The following THSD7B variants were observed in gnomAD, a reference collection of about 807,000 sequenced individuals.
THSD7B encodes the protein thrombospondin type-1 domain-containing protein 7B.
In THSD7B, 138 loss-of-function variants were observed where a neutral mutation model predicts 213.6. That is an observed-to-expected ratio of 0.65 (90% CI 0.56 to 0.74). The LOEUF (loss-of-function observed/expected upper bound fraction) is 0.74, where lower values mean the gene tolerates loss of function less well. THSD7B is among the 30% of genes least tolerant of loss of function. The probability of loss-of-function intolerance (pLI) is 0.00; values close to 1 mark genes in which losing one functional copy is unlikely to be tolerated. For missense variants in THSD7B, 1,931 were observed against 1,991.5 expected, an observed-to-expected ratio of 0.97 and a Z score of 0.58; for synonymous variants, 742 against 687.0, an observed-to-expected ratio of 1.08 and a Z score of -1.25.
intron 2 of THSD7B, among the ~76,000 whole-genome samples, chr2:136,903,605 T>A (rs1026255347): frequency 3.9e-5 from 6 of 152,040 alleles, no homozygotes; most frequent in African/African-American, 1.4e-4. Flanking sequence ...TTATCCTGGG[T>A]GACAGAGGCA....
intron 2 of THSD7B, among the ~76,000 whole-genome samples, chr2:136,981,101 A>G (rs1685570004): frequency 3.3e-5 from 5 of 152,184 alleles, no homozygotes; most frequent in Admixed American, 3.3e-4. Flanking sequence ...AACTTTTTAT[A>G]CATTATAGTT....
At chr2:137,303,297 C>G (rs1050880442) in intron 12 of THSD7B, among the ~76,000 whole-genome samples, 1 of 152,186 alleles carries the variant, frequency 6.6e-6, no homozygotes, top group African/African-American at 2.4e-5. Flanking sequence ...TTTGAGATGA[C>G]AGGCATGAGC....
intron 15 of THSD7B, among the ~76,000 whole-genome samples, chr2:137,546,478 A>ATATT (rs1491402224): frequency 3.6e-5 from 2 of 55,640 alleles, no homozygotes; most frequent in Non-Finnish European, 5.9e-5. Flanking sequence ...ATATATATAT[A>ATATT]ATATATATAT....
intron 3 of THSD7B, among the ~76,000 whole-genome samples, chr2:137,082,744 T>C (rs767886166): frequency 1.3e-5 from 2 of 152,114 alleles, no homozygotes; most frequent in Non-Finnish European, 2.9e-5. Flanking sequence ...CATCCACAAC[T>C]ATGTACCTAC....
rs1263166780 is a variant in THSD7B, at chr2:137,408,553, GA to G, written c.2695+2747del. On this transcript the variant is annotated intron_variant, in intron 13 of 27. Transcript: ENST00000409968. Reference sequence around the variant, plus strand: ...TCTGCTATAGTTGCTGTTGTATTGGGAGCGGTATTCAAACAAATCCTATTGT... The same window carrying G: ...TCTGCTATAGTTGCTGTTGTATTGGGGCGGTATTCAAACAAATCCTATTGT... Among the ~76,000 whole-genome samples, 10 of 152,222 alleles carry G rather than the reference GA, an allele frequency of 6.6e-5. No individual in the cohort carries two copies. The East Asian group carries it at 1.9e-3, about 29-fold the overall frequency.
At chr2:136,876,842 A>C (rs546641487) in intron 1 of THSD7B, among the ~76,000 whole-genome samples, 1 of 152,334 alleles carries the variant, frequency 6.6e-6, no homozygotes, top group Admixed American at 6.5e-5. Flanking sequence ...TGAAACTTGT[A>C]CACTAAGCAG....
intron 2 of THSD7B, among the ~76,000 whole-genome samples, chr2:137,009,355 C>T (rs906894636): frequency 5.9e-5 from 9 of 152,074 alleles, no homozygotes; most frequent in Admixed American, 6.6e-5. Flanking sequence ...CTCTTTGAAC[C>T]AGATAATTCT....
chr2:137,664,558 T>C (rs1325316435), intron 26 of THSD7B, among the ~76,000 whole-genome samples: 1 of 152,200 alleles, frequency 6.6e-6, no homozygotes. Flanking sequence ...GTCCTGTGGC[T>C]CTGTGCTGGC....
chr2:137,407,724 T>C (rs992290456), intron 13 of THSD7B, among the ~76,000 whole-genome samples: 1 of 152,144 alleles, frequency 6.6e-6, no homozygotes, highest in African/African-American at 2.4e-5. Flanking sequence ...AGCCACTTCA[T>C]TGAATATGGG....
chr2:137,157,315 A>G (rs940103499), intron 5 of THSD7B, among the ~76,000 whole-genome samples: 2 of 152,180 alleles, frequency 1.3e-5, no homozygotes, highest in Non-Finnish European at 2.9e-5. Context: ...TGCATATCCC[A>G]CTTGCACTGC....
chr2:137,284,756 T>C (rs1413130599), intron 12 of THSD7B, among the ~76,000 whole-genome samples: 3 of 152,160 alleles, frequency 2.0e-5, no homozygotes, highest in Non-Finnish European at 4.4e-5. Flanking sequence ...TGCACTGTGG[T>C]CTGAGAGATA....
intron 20 of THSD7B, among the ~76,000 whole-genome samples, chr2:137,627,591 G>A (rs557858851): frequency 2.0e-5 from 3 of 152,262 alleles, no homozygotes; most frequent in South Asian, 2.1e-4. Flanking sequence ...CTTTAGTTGG[G>A]ATTGTGTGAG....
chr2:137,136,708 G>A (rs1679468695), intron 5 of THSD7B, among the ~76,000 whole-genome samples: 1 of 152,102 alleles, frequency 6.6e-6, no homozygotes, highest in African/African-American at 2.4e-5. Context: ...TCATCTTCAA[G>A]GATTAACTCT....
chr2:137,126,424 C>A (rs1178240145), intron 5 of THSD7B, among the ~76,000 whole-genome samples: 1 of 152,120 alleles, frequency 6.6e-6, no homozygotes, highest in Non-Finnish European at 1.5e-5. Flanking sequence ...CCTTAGGAAC[C>A]AACCTCTGCT....
chr2:137,065,676 T>C (rs1163889230), intron 3 of THSD7B, among the ~76,000 whole-genome samples: 2 of 144,948 alleles, frequency 1.4e-5, no homozygotes, highest in Non-Finnish European at 1.5e-5. Context: ...TTTGATTTTT[T>C]TCTTCTTTCT....
At chr2:137,084,083 A>AT (rs1187839915) in intron 3 of THSD7B, among the ~76,000 whole-genome samples, 3 of 87,982 alleles carry the variant, frequency 3.4e-5, no homozygotes, top group Non-Finnish European at 4.4e-5. Context: ...TCTAATCAGT[A>AT]TTTTTTCCAT....
chr2:136,942,741 G>C (rs1244389948), intron 2 of THSD7B, among the ~76,000 whole-genome samples: 1 of 152,068 alleles, frequency 6.6e-6, no homozygotes, highest in African/African-American at 2.4e-5. Context: ...CAGCTTAAGG[G>C]GATTTTGGGC....
intron 15 of THSD7B, among the ~76,000 whole-genome samples, chr2:137,539,961 G>A (rs1172339938): frequency 1.3e-5 from 2 of 151,476 alleles, no homozygotes; most frequent in Non-Finnish European, 3.0e-5. Flanking sequence ...CCCTAAAAAG[G>A]ATCACATTTG....
chr2:137,055,270 G>T (rs780374730), intron 2 of THSD7B, among the ~76,000 whole-genome samples: 4 of 152,134 alleles, frequency 2.6e-5, no homozygotes, highest in Non-Finnish European at 5.9e-5. Flanking sequence ...ATAGTAGAAT[G>T]ATTTATAATC....
Sources: gnomAD v4.1 joint callset for allele counts (sites outside exome capture counted in the v4.1 genomes callset) on GRCh38, gnomAD v4.1.1 for gene constraint, MANE v1.5 for transcripts, NCBI Gene and HGNC (gene_info 2026-07-23, HGNC 2026-07-21) for gene names.